Variants in STAM2 observed in about 807,000 individuals in gnomAD.
STAM2 encodes signal transducing adaptor molecule 2.
Under a neutral mutation model 65.6 loss-of-function variants are expected in STAM2, and 51 were observed. The ratio of observed to expected loss-of-function variants is 0.78; its 90% CI spans 0.62 to 0.98. STAM2 has a LOEUF of 0.98. Ranked by LOEUF, STAM2 falls within the 50% of genes least tolerant of loss-of-function variation. The pLI is 0.00. For missense variants in STAM2, 584 were observed against 617.8 expected (o/e 0.95, Z 0.58); for synonymous variants, 198 against 208.4 (o/e 0.95, Z 0.43).
intron 12 of STAM2, chr2:152,124,736 A>G (rs1287121153): frequency 1.3e-5 from 2 of 152,216 alleles, no homozygotes; most frequent in South Asian, 2.1e-4. Context: ...AATGCTAGAA[A>G]TGCCAAATAA....
At chr2:152,173,760 T>C (rs1026855834) in intron 1 of STAM2, among the ~76,000 whole-genome samples, 3 of 152,220 alleles carry the variant, frequency 2.0e-5, no homozygotes, top group African/African-American at 4.8e-5. Context: ...ATATATAATT[T>C]TTCTTCTATG....
intron 7 of STAM2, among the ~76,000 whole-genome samples, chr2:152,141,753 G>C (rs188957935): frequency 6.6e-6 from 1 of 151,758 alleles, no homozygotes; most frequent in Non-Finnish European, 1.5e-5. Flanking sequence ...ACCATGCACG[G>C]CTAATTTTTG....
At chr2:152,156,593 T>TA in intron 1 of STAM2, among the ~76,000 whole-genome samples, 1 of 152,180 alleles carries the variant, frequency 6.6e-6, no homozygotes, top group South Asian at 2.1e-4. Context: ...GATTACTGTA[T>TA]AAAAAGAGCC....
intron 1 of STAM2, among the ~76,000 whole-genome samples, chr2:152,173,369 T>C (rs1188183828): frequency 1.4e-5 from 2 of 147,406 alleles, no homozygotes; most frequent in African/African-American, 2.5e-5. Context: ...CACACATATA[T>C]ATACATATAT....
At chr2:152,157,851 G>A (rs1012360176) in intron 1 of STAM2, among the ~76,000 whole-genome samples, 3 of 152,098 alleles carry the variant, frequency 2.0e-5, no homozygotes, top group Non-Finnish European at 4.4e-5. Flanking sequence ...CTGTCAAAAC[G>A]TAAAAGATCC....
At chr2:152,174,667 T>G (rs2105575973) in intron 1 of STAM2, among the ~76,000 whole-genome samples, 1 of 152,224 alleles carries the variant, frequency 6.6e-6, no homozygotes, top group African/African-American at 2.4e-5. Context: ...TCTAAAAATT[T>G]ACCTAGGGTT....
chr2:152,134,924 T>C (rs1213509364), intron 8 of STAM2, among the ~76,000 whole-genome samples: 2 of 152,212 alleles, frequency 1.3e-5, no homozygotes, highest in African/African-American at 4.8e-5. Context: ...TGACAATGGC[T>C]AAAGTGACTA....
intron 1 of STAM2, among the ~76,000 whole-genome samples, chr2:152,160,656 T>G (rs1418041311): frequency 2.3e-4 from 25 of 110,740 alleles, no homozygotes; most frequent in South Asian, 9.8e-4. Flanking sequence ...GCGGTGGGGG[T>G]CAGCCCCCCG....
chr2:152,151,154 G>T (rs907712687), intron 1 of STAM2, among the ~76,000 whole-genome samples: 14 of 146,824 alleles, frequency 9.5e-5, no homozygotes, highest in African/African-American at 3.0e-4. Context: ...AACAGCAGAA[G>T]AATTTATAAT....
chr2:152,155,616 A>G (rs12617696), intron 1 of STAM2, among the ~76,000 whole-genome samples: 66,115 of 152,036 alleles, frequency 0.43, 16,029 homozygotes, highest in East Asian at 0.84. Context: ...TTTATATACT[A>G]AGTCTGAAAA....
intron 11 of STAM2, chr2:152,131,831 C>T (rs1054179034): frequency 6.6e-5 from 24 of 361,668 alleles, no homozygotes; most frequent in Non-Finnish European, 1.2e-4. Flanking sequence ...TATCACTGAT[C>T]CAGGCAGTTC....
intron 1 of STAM2, among the ~76,000 whole-genome samples, chr2:152,164,240 G>A: frequency 6.6e-6 from 1 of 152,156 alleles, no homozygotes; most frequent in East Asian, 1.9e-4. Context: ...AATATTGGAG[G>A]TGGGTTCCCC....
chr2:152,143,904 A>G lies in STAM2; in HGVS notation c.627T>C (p.Ala209=), dbSNP rs771515817. 1 of 1,613,860 alleles carries G rather than the reference A, an allele frequency of 6.2e-7. No homozygotes were observed. Among genetic ancestry groups the G allele is most frequent in the Non-Finnish European group, 8.5e-7 (1 of 1,179,878 alleles). ...LNNKVARKVR[A]LYDFEAVEDN... Reference sequence around the variant, plus strand: ...CCTCAACAGCTTCAAAATCATATAAAGCTCTCACTTTCCGTGCAACCTTAT... The same window carrying G: ...CCTCAACAGCTTCAAAATCATATAAGGCTCTCACTTTCCGTGCAACCTTAT... Residue 209 remains alanine (A), a synonymous_variant, in exon 7 of 14, where the codon GCT becomes GCC. Coordinates refer to ENST00000263904, the MANE Select transcript of STAM2 (RefSeq NM_005843.6).
intron 7 of STAM2, 82 bp from the exon 8 acceptor site, chr2:152,135,685 C>A: frequency 1.1e-6 from 1 of 929,362 alleles, no homozygotes; most frequent in Non-Finnish European, 1.7e-6. Flanking sequence ...TTAAATTTAG[C>A]CTCCTTTGAA....
intron 11 of STAM2, among the ~76,000 whole-genome samples, chr2:152,127,234 TG>T (rs71410474): frequency 0.23 from 34,812 of 152,062 alleles, 4,072 homozygotes; most frequent in Admixed American, 0.31. Context: ...TCCAATTCTT[TG>T]TTCAAAATGC....
At chr2:152,164,696 C>T (rs1401563901) in intron 1 of STAM2, among the ~76,000 whole-genome samples, 1 of 152,140 alleles carries the variant, frequency 6.6e-6, no homozygotes. Flanking sequence ...AGAGCTGCTT[C>T]CTCTGATGGA....
At chr2:152,155,019 C>A (rs1424225065) in intron 1 of STAM2, among the ~76,000 whole-genome samples, 2 of 152,242 alleles carry the variant, frequency 1.3e-5, no homozygotes, top group African/African-American at 4.8e-5. Context: ...TGTGCATAGT[C>A]CTTTCTAAAG....
At chr2:152,136,716 C>T (rs1689161749) in intron 7 of STAM2, among the ~76,000 whole-genome samples, 1 of 151,956 alleles carries the variant, frequency 6.6e-6, no homozygotes, top group African/African-American at 2.4e-5. Flanking sequence ...TTCCAACACA[C>T]GAATAGGCCA....
chr2:152,132,141 A>G lies in STAM2; in HGVS notation c.998T>C (p.Ile333Thr), dbSNP rs1385872419. ...ATCAATTTCTTCAAGTTTTTCATCT[A>G]TCATTGGACCCATCTGTTGGCAGAT... is the stretch of plus-strand genomic sequence containing the variant. ...EDICQQMGPM[I>T]DEKLEEIDRK... Residue 333 changes from isoleucine (I) to threonine (T), a missense_variant, in exon 11 of 14, where the codon ATA (isoleucine) becomes ACA (threonine). Transcript: ENST00000263904. 6.2e-7 allele frequency: 1 copy of G among 1,611,814 alleles called. No homozygotes were observed. Among genetic ancestry groups the G allele is most frequent in the Non-Finnish European group, 8.5e-7 (1 of 1,178,686 alleles).
Sources: allele counts gnomAD v4.1 joint callset (sites outside exome capture counted in the v4.1 genomes callset), GRCh38; gene constraint gnomAD v4.1.1; transcripts MANE v1.5; gene names NCBI Gene and HGNC (gene_info 2026-07-23, HGNC 2026-07-21).